The following DNAH10 variants were observed in gnomAD, a reference collection of about 807,000 sequenced individuals.
The protein encoded by DNAH10 is axonemal beta dynein heavy chain 10.
DNAH10 carries 348 observed loss-of-function variants against 506.6 expected under a neutral mutation model. That is an observed-to-expected ratio of 0.69 (90% CI 0.63 to 0.75). The LOEUF (loss-of-function observed/expected upper bound fraction) is 0.75, where lower values mean the gene tolerates loss of function less well. Ranked by LOEUF, DNAH10 falls within the 30% of genes least tolerant of loss-of-function variation. DNAH10 has a pLI of 0.00. For missense variants in DNAH10, 5,179 were observed against 5,787.1 expected, an observed-to-expected ratio of 0.89 and a Z score of 3.41; for synonymous variants, 2,059 against 2,198.6, an observed-to-expected ratio of 0.94 and a Z score of 1.78.
At chr12:123,887,017 C>A in intron 51 of DNAH10, 125 bp from the exon 52 acceptor site, 2 of 1,199,698 alleles carry the variant, frequency 1.7e-6, no homozygotes, top group Non-Finnish European at 2.2e-6. Context: ...TCTTTCCTGA[C>A]CTACTTCCTC....
rs552270180 is a variant in DNAH10, at chr12:123,794,062, C to T, written c.1936C>T (p.Arg646Ter). 32 of 1,283,290 alleles carry T rather than the reference C, an allele frequency of 2.5e-5. No homozygotes were observed. The Admixed American group carries it at 4.0e-4, about 16-fold the overall frequency. 79.5% of individuals were successfully genotyped at this position (1,283,290 alleles called of 1,614,324 possible). A position where few individuals can be genotyped will look rare whatever the true frequency, so the allele number is the denominator to read the frequency against. Residue 646 changes from arginine to a stop codon, truncating the protein, a stop_gained, in exon 12 of 79, where the codon CGA becomes TGA. Coordinates refer to ENST00000673944, the MANE Select transcript of DNAH10 (RefSeq NM_001372106.1). LOFTEE classifies it high-confidence loss of function. Reference protein sequence around the residue: ...KHIRSREAVNRQMMMKFNDIL... With the variant: ...KHIRSREAVN Reference sequence around the variant, plus strand: ...CATTCGTTCACGGGAGGCTGTTAATCGACAAATGATGATGAAATTTAATGA... The same window carrying T: ...CATTCGTTCACGGGAGGCTGTTAATTGACAAATGATGATGAAATTTAATGA...
intron 19 of DNAH10, 39 bp downstream of exon 19, chr12:123,808,992 T>G: frequency 1.2e-6 from 2 of 1,610,280 alleles, no homozygotes; most frequent in African/African-American, 1.3e-5. Flanking sequence ...TCAGACGGCA[T>G]CTCAGGATGC....
chr12:123,774,423 G>A (rs1424315729), intron 5 of DNAH10, among the ~76,000 whole-genome samples, 159 bp downstream of exon 5: 1 of 152,144 alleles, frequency 6.6e-6, no homozygotes, highest in African/African-American at 2.4e-5. Context: ...CTAACCCAGC[G>A]GCGCTAGAGA....
At position 123,916,311 on chromosome 12, in the gene DNAH10, AC is replaced by A; in HGVS notation, c.10723-142del. ...GGACCTCATGGTGTATATGCGTTAT[AC>A]CCCTTGCTTCTCTCTTCTTTTCACC... On this transcript the variant is annotated intron_variant, in intron 62 of 78. Coordinates refer to ENST00000673944, the MANE Select transcript of DNAH10 (RefSeq NM_001372106.1). The surrounding 1 kb of genome is among the most constrained non-coding windows in gnomAD (Gnocchi z 4.6). The A allele has an allele frequency of 1.0e-6, 1 of 990,722 alleles. No homozygotes were observed. The highest frequency in any genetic ancestry group is 1.5e-6 in the Non-Finnish European group (1 of 672,596). The allele number at this position is 990,722 out of a possible 1,614,324, so 61.4% of individuals were successfully genotyped here.
Position 123,926,594 on chromosome 12 carries a change from C to G in DNAH10, c.11922-43C>G. 6.3e-7 allele frequency: 1 copy of G among 1,591,758 alleles called. No individual in the cohort carries two copies. The highest frequency in any genetic ancestry group is 8.6e-7 in the Non-Finnish European group (1 of 1,168,370). ...AGACAGACCAGCCCCTGGTCTGGAGCTGTCCTCGCGGGAGAGTTTTCTGAC... is the reference window on the plus strand; with the variant it reads ...AGACAGACCAGCCCCTGGTCTGGAGGTGTCCTCGCGGGAGAGTTTTCTGAC... On this transcript the variant is annotated intron_variant, in intron 68 of 78. Coordinates refer to ENST00000673944, the MANE Select transcript of DNAH10 (RefSeq NM_001372106.1). The surrounding 1 kb of genome is among the most constrained non-coding windows in gnomAD (Gnocchi z 4.1).
chr12:123,881,772 C>T lies in DNAH10; in HGVS notation c.8782C>T (p.Gln2928Ter). ...LLVGVGGSGK[Q>*]SLSRLAAFTA... ...GGTCGGGGTAGGGGGCTCAGGGAAGCAGTCTCTTTCGAGGCTGGCTGCCTT... is the reference window on the plus strand; with the variant it reads ...GGTCGGGGTAGGGGGCTCAGGGAAGTAGTCTCTTTCGAGGCTGGCTGCCTT... The change falls in exon 51 of 79, where the codon CAG becomes TAG. Residue 2928 changes from glutamine to a stop codon, truncating the protein, a stop_gained. Coordinates refer to ENST00000673944, the MANE Select transcript of DNAH10 (RefSeq NM_001372106.1). LOFTEE classifies it high-confidence loss of function. 6.5e-7 allele frequency: 1 copy of T among 1,528,094 alleles called. No individual in the cohort carries two copies. Among genetic ancestry groups the T allele is most frequent in the Non-Finnish European group, 8.8e-7 (1 of 1,136,372 alleles). 94.7% of individuals were successfully genotyped at this position (1,528,094 alleles called of 1,614,324 possible).
intron 24 of DNAH10, among the ~76,000 whole-genome samples, chr12:123,822,096 G>C (rs920004280): frequency 2.0e-5 from 3 of 152,164 alleles, no homozygotes; most frequent in Admixed American, 2.0e-4. Flanking sequence ...GATCCCAGCT[G>C]CTTGGGAGGC....
At position 123,875,217 on chromosome 12, in the gene DNAH10, T is replaced by TA. The variant is rs762127490; in HGVS notation, c.7939-6dup. The TA allele has an allele frequency of 2.5e-5, 40 of 1,595,584 alleles. No individual in the cohort carries two copies. Among genetic ancestry groups the TA allele is most frequent in the Non-Finnish European group, 2.9e-5 (34 of 1,169,942 alleles). On this transcript the variant is annotated splice_polypyrimidine_tract_variant and intron_variant, in intron 46 of 78. Transcript: ENST00000673944. ...GATACTACTGTTCTCTTTTCTTTTT[T>TA]AAAAAAAATCAAGGTGGATGAATAT...
intron 66 of DNAH10, 58 bp downstream of exon 66, chr12:123,923,925 A>G: frequency 7.7e-7 from 1 of 1,293,472 alleles, no homozygotes; most frequent in East Asian, 2.4e-5. Flanking sequence ...ATACATGTAT[A>G]TAAGTTTGTC....
In DNAH10 at chr12:123,915,080, CAGTCCCT is replaced by C. The variant is rs1954410374; in HGVS notation, c.10722+84_10722+90del. 6.7e-6 allele frequency: 10 copies of C among 1,481,938 alleles called. No homozygotes were observed. In the African/African-American group the frequency reaches 1.4e-4, roughly 21 times the overall value. 91.8% of individuals were successfully genotyped at this position (1,481,938 alleles called of 1,614,324 possible). A position where few individuals can be genotyped will look rare whatever the true frequency, so the allele number is the denominator to read the frequency against. ...TGCCCCTCCCGCCTCCTGTACGTGGCAGTCCCTAGCCTCAGCGAGGCTGGGCTGAAAT... is the reference window on the plus strand; with the variant it reads ...TGCCCCTCCCGCCTCCTGTACGTGGCAGCCTCAGCGAGGCTGGGCTGAAAT... On this transcript the variant is annotated intron_variant, in intron 62 of 78. Transcript: ENST00000673944.
At chr12:123,839,662 ATTTTTT>A (rs34822711) in intron 29 of DNAH10, among the ~76,000 whole-genome samples, 3 of 114,810 alleles carry the variant, frequency 2.6e-5, no homozygotes, top group African/African-American at 1.0e-4. Context: ...TTTCTTTTCT[ATTTTTT>A]TTTTTTTTTT....
At chr12:123,932,220 T>C in intron 76 of DNAH10, 112 bp downstream of exon 76, 3 of 1,287,156 alleles carry the variant, frequency 2.3e-6, no homozygotes, top group Middle Eastern at 2.8e-4. Context: ...CTGTTAAAGT[T>C]TATTGGGTGC....
At chr12:123,843,442 C>T (rs1015252427) in intron 30 of DNAH10, among the ~76,000 whole-genome samples, 2 of 152,128 alleles carry the variant, frequency 1.3e-5, no homozygotes, top group African/African-American at 2.4e-5. Context: ...TCTGGGCCTT[C>T]GTAATCTTTG....
intron 54 of DNAH10, among the ~76,000 whole-genome samples, chr12:123,896,694 G>T (rs1485517406): frequency 6.9e-6 from 1 of 144,516 alleles, no homozygotes; most frequent in Non-Finnish European, 1.5e-5. Context: ...AAGGAATTAG[G>T]TAACAGAGTG....
intron 54 of DNAH10, 77 bp from the exon 55 acceptor site, chr12:123,897,693 C>T (rs1953317104): frequency 1.3e-6 from 2 of 1,514,644 alleles, no homozygotes; most frequent in South Asian, 1.3e-5. Context: ...CCACTGCACT[C>T]CAGCCTGGGC....
intron 11 of DNAH10, among the ~76,000 whole-genome samples, chr12:123,791,088 A>G (rs1037672117): frequency 1.8e-4 from 27 of 152,176 alleles, no homozygotes; most frequent in Non-Finnish European, 5.9e-5. Context: ...CTGAGATCAC[A>G]CCACTGTACT....
At chr12:123,799,970 T>C (rs2136272923) in intron 14 of DNAH10, among the ~76,000 whole-genome samples, 1 of 152,304 alleles carries the variant, frequency 6.6e-6, no homozygotes, top group East Asian at 1.9e-4. Flanking sequence ...TTTCCAGTGT[T>C]TCAAGGGAAG....
chr12:123,819,703 T>A (rs913197751), intron 23 of DNAH10, among the ~76,000 whole-genome samples: 1 of 141,962 alleles, frequency 7.0e-6, no homozygotes, highest in African/African-American at 2.7e-5. Flanking sequence ...AAATTCTGTT[T>A]TTTTTTTTTT....
At chr12:123,843,544 C>T (rs139899218) in intron 30 of DNAH10, among the ~76,000 whole-genome samples, 502 of 152,202 alleles carry the variant, frequency 3.3e-3, no homozygotes, top group African/African-American at 0.011. Context: ...CAACAAAGGT[C>T]AATGTTATTT....
Sources: allele counts gnomAD v4.1 joint callset (sites outside exome capture counted in the v4.1 genomes callset), GRCh38; gene constraint gnomAD v4.1.1; non-coding constraint Gnocchi (gnomAD v3.1); transcripts MANE v1.5; gene names NCBI Gene and HGNC (gene_info 2026-07-23, HGNC 2026-07-21).